The following PTGER4 variants were observed in gnomAD, a reference collection of about 807,000 sequenced individuals.
The protein encoded by PTGER4 is prostaglandin E2 receptor EP4 subtype.
Under a neutral mutation model 33.2 loss-of-function variants are expected in PTGER4, and 11 were observed. That is an observed-to-expected ratio of 0.33 (90% CI 0.21 to 0.55). The LOEUF (loss-of-function observed/expected upper bound fraction) is 0.55. Among genes scored for constraint, PTGER4 ranks in the 20% least tolerant of loss-of-function variants. The pLI is 0.92. For missense variants in PTGER4, 481 were observed against 650.2 expected, an observed-to-expected ratio of 0.74 and a Z score of 2.83; for synonymous variants, 275 against 281.5, an observed-to-expected ratio of 0.98 and a Z score of 0.23.
At chr5:40,733,810 C>T in the PTGER4 span, among the ~76,000 whole-genome samples, 137 of 152,218 alleles carry the variant, frequency 9.0e-4, 2 homozygotes, top group African/African-American at 3.1e-3. Context: ...GTCCCAAGTA[C>T]GAAATAAACT....
chr5:40,744,925 A>T, the PTGER4 span, among the ~76,000 whole-genome samples: 1 of 152,218 alleles, frequency 6.6e-6, no homozygotes, highest in Non-Finnish European at 1.5e-5. Flanking sequence ...AATATGATGC[A>T]GTATAAAGCA....
chr5:40,693,805 A>G, downstream of PTGER4: 1 of 739,276 alleles, frequency 1.4e-6, no homozygotes, highest in South Asian at 6.1e-5. Flanking sequence ...CATCATCTAT[A>G]TCCTTTTATA....
rs553271879 is a variant in PTGER4 at position 40,683,353 on chromosome 5, C to T, written c.867+1493C>T. Among the ~76,000 whole-genome samples the T allele has an allele frequency of 6.6e-6, 1 of 152,182 alleles. No individual in the cohort carries two copies. The highest frequency in any genetic ancestry group is 6.5e-5 in the Admixed American group (1 of 15,286). ...AGTAAATATAATAGGCCATAAGAGCCTTTAAGCCATTCCAGGACCCAATAT... is the reference window on the plus strand; with the variant it reads ...AGTAAATATAATAGGCCATAAGAGCTTTTAAGCCATTCCAGGACCCAATAT... On this transcript the variant is annotated intron_variant, in intron 2 of 2. Coordinates refer to ENST00000302472, the MANE Select transcript of PTGER4 (RefSeq NM_000958.3). The surrounding 1 kb of genome is among the most constrained non-coding windows in gnomAD (Gnocchi z 4.2).
At chr5:40,743,929 C>T in the PTGER4 span, among the ~76,000 whole-genome samples, 2 of 152,264 alleles carry the variant, frequency 1.3e-5, no homozygotes, top group African/African-American at 2.4e-5. Flanking sequence ...CTCAATGTTT[C>T]GACATACAGG....
the PTGER4 span, among the ~76,000 whole-genome samples, chr5:40,709,480 T>C: frequency 1.3e-5 from 2 of 152,174 alleles, no homozygotes; most frequent in East Asian, 1.9e-4. Flanking sequence ...TTACAAGGGA[T>C]GTGAAGGACC....
At chr5:40,705,495 A>T in the PTGER4 span, among the ~76,000 whole-genome samples, 4 of 152,228 alleles carry the variant, frequency 2.6e-5, no homozygotes, top group Admixed American at 1.3e-4. Flanking sequence ...TAAACTTAAG[A>T]GCTTCTGCAC....
downstream of PTGER4, among the ~76,000 whole-genome samples, chr5:40,698,104 AAAAAAAAAAAAAAAAC>A (rs1360375475): frequency 2.1e-5 from 3 of 143,554 alleles, no homozygotes; most frequent in Non-Finnish European, 3.0e-5. Flanking sequence ...AAAAAAAAAA[AAAAAAAAAAAAAAAAC>A]CATGAAAAAT....
chr5:40,728,350 T>G, the PTGER4 span: 7 of 1,594,472 alleles, frequency 4.4e-6, no homozygotes, highest in East Asian at 6.8e-5. Flanking sequence ...CTCACCAGGA[T>G]TATCTCTCCT....
At chr5:40,699,378 G>A in the PTGER4 span, among the ~76,000 whole-genome samples, 46 of 151,706 alleles carry the variant, frequency 3.0e-4, no homozygotes, top group East Asian at 1.9e-4. Context: ...AAACTACCCC[G>A]CAAAAAAACT....
chr5:40,730,121 A>G, the PTGER4 span: 1 of 620,316 alleles, frequency 1.6e-6, no homozygotes. Flanking sequence ...AACCATAAAT[A>G]ATGGTGAAAT....
the PTGER4 span, among the ~76,000 whole-genome samples, chr5:40,732,445 T>G: frequency 7.2e-5 from 11 of 151,828 alleles, no homozygotes; most frequent in South Asian, 2.3e-3. Flanking sequence ...GACCAATACT[T>G]TCTGTAACTA....
Position 40,685,294 on chromosome 5 carries a change from C to G in PTGER4, c.867+3434C>G, listed in dbSNP as rs536800461. ...TGTTTATTTGGTTCCTTACTATAAA[C>G]TAGTTGTCTCTATAAAGCTTTCACC... is the stretch of plus-strand genomic sequence containing the variant. On this transcript the variant is annotated intron_variant, in intron 2 of 2. Transcript: ENST00000302472. 4 of 572,562 alleles carry G rather than the reference C, an allele frequency of 7.0e-6. No individual in the cohort carries two copies. The East Asian group carries it at 5.8e-4, about 83-fold the overall frequency. 35.5% of individuals were successfully genotyped at this position (572,562 alleles called of 1,614,324 possible). A position where few individuals can be genotyped will look rare whatever the true frequency, so the allele number is the denominator to read the frequency against.
At chr5:40,726,774 C>T in the PTGER4 span, among the ~76,000 whole-genome samples, 2 of 151,930 alleles carry the variant, frequency 1.3e-5, no homozygotes, top group Admixed American at 6.6e-5. Context: ...AGATTTGTTC[C>T]ATTACCATAG....
the PTGER4 span, among the ~76,000 whole-genome samples, chr5:40,734,114 A>G: frequency 6.6e-6 from 1 of 152,172 alleles, no homozygotes; most frequent in Non-Finnish European, 1.5e-5. Context: ...CAAAGCAAGA[A>G]ATGGTGGGTA....
the PTGER4 span, among the ~76,000 whole-genome samples, chr5:40,733,244 T>C: frequency 2.6e-5 from 4 of 152,262 alleles, no homozygotes; most frequent in Non-Finnish European, 4.4e-5. Flanking sequence ...TCAGGAGTCT[T>C]TGACAGCTTT....
the PTGER4 span, among the ~76,000 whole-genome samples, chr5:40,730,854 T>C: frequency 3.3e-5 from 5 of 152,154 alleles, no homozygotes; most frequent in Admixed American, 6.5e-5. Context: ...AAAAAGTACA[T>C]GCCACTAAAC....
chr5:40,726,985 A>C, the PTGER4 span, among the ~76,000 whole-genome samples: 3 of 152,174 alleles, frequency 2.0e-5, no homozygotes, highest in Non-Finnish European at 4.4e-5. Context: ...AAAAAACAGT[A>C]CTTGGTTAAA....
At chr5:40,716,315 C>A in the PTGER4 span, 2 of 1,614,202 alleles carry the variant, frequency 1.2e-6, no homozygotes, top group Non-Finnish European at 1.7e-6. Flanking sequence ...TCATCACTTT[C>A]AAAGTCATAG....
the PTGER4 span, among the ~76,000 whole-genome samples, chr5:40,718,596 T>C: frequency 6.6e-6 from 1 of 151,630 alleles, no homozygotes; most frequent in Admixed American, 6.6e-5. Flanking sequence ...AAAAATTAGC[T>C]GGGCATGGTG....
Sources: allele counts gnomAD v4.1 joint callset (sites outside exome capture counted in the v4.1 genomes callset), GRCh38; gene constraint gnomAD v4.1.1; non-coding constraint Gnocchi (gnomAD v3.1); transcripts MANE v1.5; gene names NCBI Gene and HGNC (gene_info 2026-07-23, HGNC 2026-07-21).